Variants in NCAM2 observed in about 807,000 individuals in gnomAD.
NCAM2 encodes the protein N-CAM-2.
NCAM2 carries 30 observed loss-of-function variants against 98.1 expected under a neutral mutation model. The observed-to-expected ratio is 0.31, with a 90% CI of 0.23 to 0.41. NCAM2 has a LOEUF of 0.41. Among genes scored for constraint, NCAM2 ranks in the 10% least tolerant of loss-of-function variants. NCAM2 has a pLI of 1.00. For missense variants in NCAM2, 867 were observed against 1,005.8 expected (o/e 0.86, Z 1.87); for synonymous variants, 368 against 342.4 (o/e 1.07, Z -0.83).
intron 1 of NCAM2, among the ~76,000 whole-genome samples, chr21:21,071,952 G>A (rs1430462694): frequency 2.0e-5 from 3 of 151,054 alleles, no homozygotes; most frequent in Non-Finnish European, 4.4e-5. Flanking sequence ...TTGCTCTGTT[G>A]CCCAGGCTGG....
At chr21:21,475,234 AGT>A (rs1985012634) in intron 14 of NCAM2, among the ~76,000 whole-genome samples, 1 of 151,974 alleles carries the variant, frequency 6.6e-6, no homozygotes, top group African/African-American at 2.4e-5. Context: ...ATGGCGCTAG[AGT>A]GTATTATTTC....
chr21:21,053,391 T>TA (rs2065149780), intron 1 of NCAM2, among the ~76,000 whole-genome samples: 1 of 152,004 alleles, frequency 6.6e-6, no homozygotes, highest in Admixed American at 6.5e-5. Flanking sequence ...AATTTTTTAT[T>TA]ACCAATACTG....
At chr21:21,253,984 C>T (rs1430163930) in intron 1 of NCAM2, among the ~76,000 whole-genome samples, 1 of 152,040 alleles carries the variant, frequency 6.6e-6, no homozygotes, top group Non-Finnish European at 1.5e-5. Context: ...AAATTTAAGA[C>T]CTATGGAGGA....
At chr21:21,319,589 T>C (rs1393219954) in intron 5 of NCAM2, among the ~76,000 whole-genome samples, 1 of 152,116 alleles carries the variant, frequency 6.6e-6, no homozygotes, top group African/African-American at 2.4e-5. Flanking sequence ...TGCAGTGAGC[T>C]GAGATCATAC....
At chr21:21,315,074 T>A (rs1208928250) in intron 5 of NCAM2, among the ~76,000 whole-genome samples, 1 of 152,132 alleles carries the variant, frequency 6.6e-6, no homozygotes, top group Non-Finnish European at 1.5e-5. Context: ...TCACTTTTTT[T>A]GTTGTTTTTG....
At chr21:21,265,227 A>C (rs1044780178) in intron 1 of NCAM2, among the ~76,000 whole-genome samples, 3 of 125,848 alleles carry the variant, frequency 2.4e-5, no homozygotes, top group Middle Eastern at 0.012. Context: ...ATATTATATT[A>C]TATATATGCA....
rs12329890 is a variant in NCAM2, at chr21:21,492,337, G to A, written c.2077+14866G>A. On this transcript the variant is annotated intron_variant, in intron 15 of 17. Coordinates refer to ENST00000400546, the MANE Select transcript of NCAM2 (RefSeq NM_004540.5). ...GCTATTTTCTTGATTGGCCTGTGGA[G>A]AACAACAACAAAAAATCCCTATGTG... Among the ~76,000 whole-genome samples, 425 of 151,818 alleles carry A rather than the reference G, an allele frequency of 2.8e-3. 2 individuals are homozygous for A. The highest frequency in any genetic ancestry group is 9.8e-3 in the African/African-American group (408 of 41,502).
intron 1 of NCAM2, among the ~76,000 whole-genome samples, chr21:21,196,114 T>G (rs575842718): frequency 2.0e-5 from 3 of 152,216 alleles, no homozygotes; most frequent in Non-Finnish European, 4.4e-5. Context: ...ATTAAGGTCC[T>G]ATGGCGTGGT....
chr21:21,496,328 A>T (rs1047734478), intron 15 of NCAM2, among the ~76,000 whole-genome samples: 1 of 151,976 alleles, frequency 6.6e-6, no homozygotes, highest in Non-Finnish European at 1.5e-5. Context: ...GCGAGATACT[A>T]TCTCATTGTG....
intron 5 of NCAM2, among the ~76,000 whole-genome samples, chr21:21,308,664 T>C (rs2068837351): frequency 6.6e-6 from 1 of 152,120 alleles, no homozygotes; most frequent in Non-Finnish European, 1.5e-5. Context: ...TTTTAACAAA[T>C]TTAGAAAAGT....
At chr21:21,010,007 A>G (rs8132603) in intron 1 of NCAM2, among the ~76,000 whole-genome samples, 1,942 of 151,860 alleles carry the variant, frequency 0.013, 30 homozygotes, top group African/African-American at 0.044. Context: ...TGGATACCCC[A>G]GAAAATCTTT....
intron 1 of NCAM2, among the ~76,000 whole-genome samples, chr21:21,256,642 C>A (rs777180739): frequency 6.6e-6 from 1 of 152,042 alleles, no homozygotes; most frequent in Non-Finnish European, 1.5e-5. Context: ...TAAGGAGTGT[C>A]ATGAATCCAG....
At chr21:21,032,567 T>A (rs2064707532) in intron 1 of NCAM2, among the ~76,000 whole-genome samples, 1 of 152,206 alleles carries the variant, frequency 6.6e-6, no homozygotes, top group African/African-American at 2.4e-5. Flanking sequence ...ATGTGTTGAC[T>A]AAGCAAATCA....
chr21:21,317,336 A>G lies in NCAM2; in HGVS notation c.620-7047A>G, dbSNP rs567185706. 2.4e-4 allele frequency among the ~76,000 whole-genome samples: 36 copies of G among 152,266 alleles called. 1 individual carries two copies. The South Asian group carries it at 7.1e-3, about 30-fold the overall frequency. ...TTATGTGTTAATGCCTCCTATCATCATAAGTTTTTCCTTGATGAGTCCTGA... is the reference window on the plus strand; with the variant it reads ...TTATGTGTTAATGCCTCCTATCATCGTAAGTTTTTCCTTGATGAGTCCTGA... On this transcript the variant is annotated intron_variant, in intron 5 of 17. Transcript: ENST00000400546.
At chr21:21,516,198 G>A (rs1343586822) in intron 16 of NCAM2, among the ~76,000 whole-genome samples, 1 of 152,148 alleles carries the variant, frequency 6.6e-6, no homozygotes, top group Non-Finnish European at 1.5e-5. Flanking sequence ...TTACAGAAAA[G>A]CTTGTATTAC....
chr21:21,346,222 A>AC lies in NCAM2; in HGVS notation c.1044+7688_1044+7689insC, dbSNP rs540928863. Among the ~76,000 whole-genome samples the AC allele has an allele frequency of 1.9e-3, 286 of 151,874 alleles. 1 individual carries two copies. The highest frequency in any genetic ancestry group is 3.2e-3 in the Admixed American group (49 of 15,238). ...CCAACTGAAACCAAAAAAAAAAAAA[A>AC]AACAGGAGTCACTATACTTATGTCA... On this transcript the variant is annotated intron_variant, in intron 8 of 17. Transcript: ENST00000400546.
chr21:21,453,136 T>C (rs1470945810), intron 12 of NCAM2, among the ~76,000 whole-genome samples: 2 of 139,100 alleles, frequency 1.4e-5, no homozygotes, highest in Non-Finnish European at 3.0e-5. Context: ...ATATATATAG[T>C]TTATATATAA....
At chr21:21,502,270 C>A (rs966877369) in intron 15 of NCAM2, among the ~76,000 whole-genome samples, 2 of 151,850 alleles carry the variant, frequency 1.3e-5, no homozygotes, top group Non-Finnish European at 1.5e-5. Flanking sequence ...GTTATTAATT[C>A]TCTCAATTTT....
Position 21,149,855 on chromosome 21 carries a change from A to G in NCAM2, c.56-130723A>G, listed in dbSNP as rs149448970. Among the ~76,000 whole-genome samples, 43 of 152,216 alleles carry G rather than the reference A, an allele frequency of 2.8e-4. No individual in the cohort carries two copies. In the East Asian group the frequency reaches 8.1e-3, roughly 29 times the overall value. On this transcript the variant is annotated intron_variant, in intron 1 of 17. Transcript: ENST00000400546. ...GTTGGTTCCAAGTCTTTGCTATTGT[A>G]AATAATGTTTCAATAAACATACATG...
Sources: gnomAD v4.1 joint callset for allele counts (sites outside exome capture counted in the v4.1 genomes callset) on GRCh38, gnomAD v4.1.1 for gene constraint, MANE v1.5 for transcripts, NCBI Gene and HGNC (gene_info 2026-07-23, HGNC 2026-07-21) for gene names.